TASP1: variants seen among roughly 807,000 people sequenced by gnomAD.
The protein encoded by TASP1 is threonine aspartase 1.
A neutral mutation model predicts 56.6 loss-of-function variants in TASP1; 16 were observed. The ratio of observed to expected loss-of-function variants is 0.28; its 90% CI spans 0.19 to 0.43. TASP1 has a LOEUF of 0.43. Among genes scored for constraint, TASP1 ranks in the 20% least tolerant of loss-of-function variants. The pLI is 1.00. For synonymous variants in TASP1, 179 were observed against 184.2 expected (o/e 0.97, Z 0.23); for missense variants, 393 against 511.6 (o/e 0.77, Z 2.24).
At chr20:13,312,417 T>A in the TASP1 span, among the ~76,000 whole-genome samples, 1 of 152,196 alleles carries the variant, frequency 6.6e-6, no homozygotes. Context: ...CCTTGCTGGT[T>A]CCTCCAAGAG....
the TASP1 span, among the ~76,000 whole-genome samples, chr20:13,333,052 C>T: frequency 2.6e-5 from 4 of 152,194 alleles, no homozygotes; most frequent in Non-Finnish European, 5.9e-5. Flanking sequence ...GTGCATGCTC[C>T]GTGGCTCCAT....
intron 4 of TASP1, among the ~76,000 whole-genome samples, chr20:13,588,254 G>GAAGA (rs1320720944): frequency 2.5e-5 from 1 of 39,674 alleles, no homozygotes; most frequent in Non-Finnish European, 4.9e-5. Context: ...AGGAAGAAAG[G>GAAGA]AAGGAAGGAA....
At chr20:13,324,802 A>G in the TASP1 span, among the ~76,000 whole-genome samples, 4 of 152,218 alleles carry the variant, frequency 2.6e-5, no homozygotes, top group Admixed American at 2.6e-4. Context: ...GATATTACAT[A>G]CATTTGAAGC....
the TASP1 span, among the ~76,000 whole-genome samples, chr20:13,163,443 C>A: frequency 2.0e-5 from 3 of 151,722 alleles, no homozygotes; most frequent in African/African-American, 7.3e-5. Context: ...CTCACAGATG[C>A]CCCAAATGTG....
At chr20:13,141,785 G>A in the TASP1 span, among the ~76,000 whole-genome samples, 4 of 152,188 alleles carry the variant, frequency 2.6e-5, no homozygotes, top group African/African-American at 9.7e-5. Context: ...AACAGATGTT[G>A]GTGCTATGCT....
the TASP1 span, among the ~76,000 whole-genome samples, chr20:13,350,944 T>A: frequency 6.6e-6 from 1 of 151,242 alleles, no homozygotes; most frequent in African/African-American, 2.4e-5. Context: ...CAAGTAATCC[T>A]TGCACCTTGG....
chr20:13,265,363 T>G, the TASP1 span, among the ~76,000 whole-genome samples: 1 of 152,238 alleles, frequency 6.6e-6, no homozygotes, highest in African/African-American at 2.4e-5. Flanking sequence ...CTACCTCAAA[T>G]GGTAACAGTA....
chr20:13,186,614 A>G, the TASP1 span, among the ~76,000 whole-genome samples: 5 of 152,340 alleles, frequency 3.3e-5, no homozygotes, highest in East Asian at 9.6e-4. Flanking sequence ...TTATACCAAG[A>G]GAGCTCCATT....
intron 9 of TASP1, among the ~76,000 whole-genome samples, chr20:13,530,801 TA>T (rs1390315511): frequency 6.6e-6 from 1 of 152,216 alleles, no homozygotes; most frequent in Non-Finnish European, 1.5e-5. Flanking sequence ...ATAGGTAAGA[TA>T]AAAGAATTAG....
At chr20:13,239,424 C>T in the TASP1 span, 3 of 152,186 alleles carry the variant, frequency 2.0e-5, no homozygotes, top group Admixed American at 6.5e-5. Context: ...GCAGGGTCCT[C>T]CCTGAGATCT....
intron 10 of TASP1, among the ~76,000 whole-genome samples, chr20:13,526,598 T>C (rs1052058294): frequency 6.6e-6 from 1 of 152,194 alleles, no homozygotes; most frequent in Non-Finnish European, 1.5e-5. Context: ...TATAGTAGTA[T>C]GGATTCGATT....
chr20:13,156,147 G>T, the TASP1 span, among the ~76,000 whole-genome samples: 24 of 152,106 alleles, frequency 1.6e-4, no homozygotes, highest in African/African-American at 5.6e-4. Flanking sequence ...TTCCAAACTT[G>T]GCTCAGGTTT....
the TASP1 span, among the ~76,000 whole-genome samples, chr20:13,311,840 T>G: frequency 6.6e-6 from 1 of 152,180 alleles, no homozygotes; most frequent in Non-Finnish European, 1.5e-5. Flanking sequence ...AAGTTTCAGT[T>G]AGGAGAAACA....
the TASP1 span, among the ~76,000 whole-genome samples, chr20:13,131,308 G>A: frequency 3.4e-4 from 52 of 152,224 alleles, no homozygotes; most frequent in East Asian, 2.1e-3. Context: ...TGTATGATGT[G>A]GCTAATTCAC....
At chr20:13,131,403 T>G in the TASP1 span, among the ~76,000 whole-genome samples, 1 of 152,158 alleles carries the variant, frequency 6.6e-6, no homozygotes, top group African/African-American at 2.4e-5. Context: ...GTTCCTTCAT[T>G]GCAAATTAAA....
At chr20:13,250,871 G>A in the TASP1 span, among the ~76,000 whole-genome samples, 16,353 of 152,188 alleles carry the variant, frequency 0.11, 1,039 homozygotes, top group African/African-American at 0.16. Flanking sequence ...TGGGTGGTTT[G>A]GGATGAGTGT....
chr20:13,159,558 G>C, the TASP1 span, among the ~76,000 whole-genome samples: 1 of 152,072 alleles, frequency 6.6e-6, no homozygotes, highest in Admixed American at 6.5e-5. Context: ...TGTATTATTG[G>C]TATTAAGTTT....
rs548110384 is a variant in TASP1, at chr20:13,591,807, T to G, written c.283-4437A>C. 2.0e-5 allele frequency among the ~76,000 whole-genome samples: 3 copies of G among 152,190 alleles called. No homozygotes were observed. The East Asian group carries it at 5.8e-4, about 29-fold the overall frequency. ...TATAGGGCACAAGTAGCACAAAGAT[T>G]GTGAGGAATGAATGGAAGTGTAATG... On this transcript the variant is annotated intron_variant, in intron 4 of 13. Coordinates refer to ENST00000337743, the MANE Select transcript of TASP1 (RefSeq NM_017714.3).
At chr20:13,537,005 T>C (rs908481086) in intron 8 of TASP1, among the ~76,000 whole-genome samples, 3 of 152,120 alleles carry the variant, frequency 2.0e-5, no homozygotes, top group Non-Finnish European at 4.4e-5. Context: ...TATTTTTCAT[T>C]AGCTCTTTTT....
Sources: allele counts gnomAD v4.1 joint callset (sites outside exome capture counted in the v4.1 genomes callset), GRCh38; gene constraint gnomAD v4.1.1; transcripts MANE v1.5; gene names NCBI Gene and HGNC (gene_info 2026-07-23, HGNC 2026-07-21).